The following KIF13B variants were observed in gnomAD, a reference collection of about 807,000 sequenced individuals.
KIF13B encodes the protein kinesin family member 13B.
In KIF13B, 127 loss-of-function variants were observed where a neutral mutation model predicts 222.0. The ratio of observed to expected loss-of-function variants is 0.57; its 90% CI spans 0.50 to 0.66. The LOEUF is 0.66. Ranked by LOEUF, KIF13B falls within the 30% of genes least tolerant of loss-of-function variation. The pLI is 0.00. For missense variants in KIF13B, 2,173 were observed against 2,379.0 expected (o/e 0.91, Z 1.80); for synonymous variants, 976 against 919.0 (o/e 1.06, Z -1.12).
chr8:29,079,837 A>G (rs1208548388), intron 37 of KIF13B, among the ~76,000 whole-genome samples: 1 of 152,242 alleles, frequency 6.6e-6, no homozygotes, highest in Non-Finnish European at 1.5e-5. Context: ...CTAACCAATG[A>G]TTTAAATCCA....
chr8:29,234,357 CAT>C (rs963717781), intron 2 of KIF13B, among the ~76,000 whole-genome samples: 16 of 152,106 alleles, frequency 1.1e-4, no homozygotes, highest in Non-Finnish European at 7.4e-5. Flanking sequence ...GAAATTCTAA[CAT>C]GTGCTATAAC....
chr8:29,187,959 G>A (rs1037210027), intron 5 of KIF13B, among the ~76,000 whole-genome samples: 5 of 152,250 alleles, frequency 3.3e-5, no homozygotes, highest in African/African-American at 9.6e-5. Flanking sequence ...TGGAGCTGTC[G>A]CCGCCTGGCC....
chr8:29,107,555 G>C (rs1001870242), intron 35 of KIF13B, among the ~76,000 whole-genome samples: 3 of 146,238 alleles, frequency 2.1e-5, no homozygotes, highest in Admixed American at 7.0e-5. Flanking sequence ...AATCTAATTT[G>C]AAGTTTCTTT....
intron 15 of KIF13B, 97 bp from the exon 16 acceptor site, chr8:29,148,864 C>T: frequency 1.1e-6 from 1 of 919,310 alleles, no homozygotes; most frequent in Non-Finnish European, 1.6e-6. Flanking sequence ...CAAGTGGATA[C>T]CATGTAAGTA....
chr8:29,161,987 A>C (rs1289006138), intron 12 of KIF13B, among the ~76,000 whole-genome samples: 1 of 152,072 alleles, frequency 6.6e-6, no homozygotes, highest in Non-Finnish European at 1.5e-5. Flanking sequence ...TTGCATATGC[A>C]CTCAAGCGTT....
chr8:29,106,415 T>TGAGGTCAGGAGTTC (rs1329360630), intron 35 of KIF13B, among the ~76,000 whole-genome samples: 1 of 152,144 alleles, frequency 6.6e-6, no homozygotes, highest in African/African-American at 2.4e-5. Flanking sequence ...ACAGATCACT[T>TGAGGTCAGGAGTTC]GAGGTCAGGA....
Position 29,071,599 on chromosome 8 carries a change from C to G in KIF13B, c.5218+21G>C, listed in dbSNP as rs895230248. The G allele has an allele frequency of 1.3e-6, 2 of 1,540,858 alleles. No individual in the cohort carries two copies. Among genetic ancestry groups the G allele is most frequent in the African/African-American group, 1.4e-5 (1 of 72,914 alleles). On this transcript the variant is annotated intron_variant, in intron 39 of 39. Coordinates refer to ENST00000524189, the MANE Select transcript of KIF13B (RefSeq NM_015254.4). The surrounding 1 kb of genome is among the most constrained non-coding windows in gnomAD (Gnocchi z 4.9). ...CCAGACCCCCGGCACCACCCTGGAG[C>G]CCGGAGTGCCCGGTACCCACCTGAG...
intron 2 of KIF13B, chr8:29,219,275 G>A (rs73669486): frequency 0.17 from 25,528 of 152,200 alleles, 2,362 homozygotes; most frequent in Non-Finnish European, 0.19. Flanking sequence ...CGCTGCTGCC[G>A]ATGCCAGGCA....
chr8:29,117,346 CTT>C (rs1809651662), intron 30 of KIF13B, among the ~76,000 whole-genome samples: 1 of 152,226 alleles, frequency 6.6e-6, no homozygotes, highest in Non-Finnish European at 1.5e-5. Context: ...TTTTGCTTCT[CTT>C]TCTCACAACT....
At chr8:29,085,003 A>C (rs1311358609) in intron 37 of KIF13B, among the ~76,000 whole-genome samples, 1 of 152,278 alleles carries the variant, frequency 6.6e-6, no homozygotes, top group Non-Finnish European at 1.5e-5. Context: ...AAAAATGAGA[A>C]ACATAAGTCC....
chr8:29,147,266 C>T (rs1024519881), intron 17 of KIF13B, 126 bp downstream of exon 17: 5 of 719,322 alleles, frequency 7.0e-6, no homozygotes, highest in African/African-American at 1.8e-5. Flanking sequence ...TGGCTGTTAA[C>T]ACTTATCTTT....
chr8:29,113,346 T>C lies in KIF13B; in HGVS notation c.3930+117A>G, dbSNP rs986400933. ...ATTAGAAAATTCCTCTAAAAATCTA[T>C]ACCTTCCCTAAACATACACTTTCAC... On this transcript the variant is annotated intron_variant, in intron 32 of 39. Transcript: ENST00000524189. The C allele has an allele frequency of 7.1e-6, 4 of 566,630 alleles. No individual in the cohort carries two copies. In the Admixed American group the frequency reaches 1.0e-4, roughly 15 times the overall value. 35.1% of individuals were successfully genotyped at this position (566,630 alleles called of 1,614,324 possible).
At chr8:29,174,067 T>C (rs912254186) in intron 10 of KIF13B, among the ~76,000 whole-genome samples, 8 of 152,220 alleles carry the variant, frequency 5.3e-5, no homozygotes, top group African/African-American at 1.9e-4. Context: ...ATTACTACAT[T>C]CAAACAAATG....
At chr8:29,176,279 T>G (rs1470301584) in intron 9 of KIF13B, 100 bp from the exon 10 acceptor site, 6 of 695,366 alleles carry the variant, frequency 8.6e-6, no homozygotes, top group Non-Finnish European at 1.3e-5. Flanking sequence ...TGTACCTGCA[T>G]GTGAGCAGCA....
At chr8:29,121,401 G>A (rs1375447178) in intron 29 of KIF13B, among the ~76,000 whole-genome samples, 79 of 48,754 alleles carry the variant, frequency 1.6e-3, no homozygotes, top group Non-Finnish European at 2.6e-3. Flanking sequence ...AAATAATGCC[G>A]CATATCTACA....
chr8:29,136,564 C>T (rs897145942), intron 21 of KIF13B, among the ~76,000 whole-genome samples: 1 of 123,092 alleles, frequency 8.1e-6, no homozygotes, highest in African/African-American at 3.1e-5. Flanking sequence ...GCCTGGGCAA[C>T]AAGAGCGAAA....
At chr8:29,193,332 AAGG>A (rs1450116026) in intron 3 of KIF13B, among the ~76,000 whole-genome samples, 1 of 152,098 alleles carries the variant, frequency 6.6e-6, no homozygotes, top group African/African-American at 2.4e-5. Flanking sequence ...AGAGGAGCAA[AAGG>A]AGGAGGATGG....
At chr8:29,081,226 C>T (rs1021119944) in intron 37 of KIF13B, among the ~76,000 whole-genome samples, 2 of 152,208 alleles carry the variant, frequency 1.3e-5, no homozygotes, top group Non-Finnish European at 2.9e-5. Flanking sequence ...CAACGGAAAG[C>T]TCAGTTCTGC....
At chr8:29,149,234 G>A (rs534140402) in intron 15 of KIF13B, among the ~76,000 whole-genome samples, 2 of 152,312 alleles carry the variant, frequency 1.3e-5, no homozygotes, top group African/African-American at 4.8e-5. Context: ...TAATCCAAAC[G>A]ATGAGGGTTT....
Sources: allele counts gnomAD v4.1 joint callset (sites outside exome capture counted in the v4.1 genomes callset), GRCh38; gene constraint gnomAD v4.1.1; non-coding constraint Gnocchi (gnomAD v3.1); transcripts MANE v1.5; gene names NCBI Gene and HGNC (gene_info 2026-07-23, HGNC 2026-07-21).